ATP11A: variants seen among roughly 807,000 people sequenced by gnomAD.
ATP11A encodes the protein phospholipid-transporting ATPase IH.
In ATP11A, 81 loss-of-function variants were observed where a neutral mutation model predicts 154.4. The observed-to-expected ratio is 0.52, with a 90% CI of 0.44 to 0.63. The LOEUF is 0.63. Among genes scored for constraint, ATP11A ranks in the 30% least tolerant of loss-of-function variants. The pLI, the probability that ATP11A is intolerant of heterozygous loss-of-function variation, is 0.00. For synonymous variants in ATP11A, 623 were observed against 585.9 expected (o/e 1.06, Z -0.91); for missense variants, 1,316 against 1,474.3 (o/e 0.89, Z 1.76).
intron 8 of ATP11A, among the ~76,000 whole-genome samples, chr13:112,820,154 C>T (rs906973642): frequency 6.6e-6 from 1 of 152,172 alleles, no homozygotes. Context: ...TAGTGATGCT[C>T]GTGAAACAAG....
In ATP11A at chr13:112,760,183, A is replaced by G. The variant is rs148423710; in HGVS notation, c.40-24952A>G. 1.2e-4 allele frequency among the ~76,000 whole-genome samples: 19 copies of G among 152,348 alleles called. No homozygotes were observed. The East Asian group carries it at 3.5e-3, about 28-fold the overall frequency. ...CAGTCTTCCGTGTAAGCAATCCAGA[A>G]AGTGGGAATAAAAGTAATTTCTCTT... is the stretch of plus-strand genomic sequence containing the variant. On this transcript the variant is annotated intron_variant, in intron 1 of 29. Coordinates refer to ENST00000375645, the MANE Select transcript of ATP11A (RefSeq NM_015205.3).
intron 2 of ATP11A, among the ~76,000 whole-genome samples, chr13:112,796,010 A>G (rs1461133228): frequency 6.6e-6 from 1 of 152,230 alleles, no homozygotes; most frequent in Non-Finnish European, 1.5e-5. Flanking sequence ...TAGAGTACCT[A>G]AATTATCTTG....
At chr13:112,727,708 C>G (rs1188550833) in intron 1 of ATP11A, among the ~76,000 whole-genome samples, 1 of 152,240 alleles carries the variant, frequency 6.6e-6, no homozygotes, top group Non-Finnish European at 1.5e-5. Flanking sequence ...TGCCCGTTTT[C>G]TTGAGGGCTG....
intron 17 of ATP11A, among the ~76,000 whole-genome samples, chr13:112,848,540 T>C (rs2079671266): frequency 1.3e-5 from 2 of 152,216 alleles, no homozygotes; most frequent in Admixed American, 6.5e-5. Flanking sequence ...GGAAACTTTC[T>C]TTTTCTCTTT....
intron 2 of ATP11A, among the ~76,000 whole-genome samples, chr13:112,788,005 C>A (rs1183258768): frequency 2.0e-5 from 3 of 150,512 alleles, no homozygotes; most frequent in Non-Finnish European, 3.0e-5. Flanking sequence ...GATGTGTAGA[C>A]CCCTGTGGAG....
Position 112,805,059 on chromosome 13 carries a change from A to G in ATP11A, c.252+13A>G. 2 of 1,568,426 alleles carry G rather than the reference A, an allele frequency of 1.3e-6. No homozygotes were observed. Among genetic ancestry groups the G allele is most frequent in the South Asian group, 1.1e-5 (1 of 86,968 alleles). Reference sequence around the variant, plus strand: ...ATTTCTGGTGCAGGTAAGGCCGGTCATTGTTTTCCATCTCATCACATATAA... The same window carrying G: ...ATTTCTGGTGCAGGTAAGGCCGGTCGTTGTTTTCCATCTCATCACATATAA... On this transcript the variant is annotated intron_variant, in intron 3 of 29. Transcript: ENST00000375645.
At chr13:112,849,142 A>G (rs896965487) in intron 17 of ATP11A, among the ~76,000 whole-genome samples, 2 of 152,090 alleles carry the variant, frequency 1.3e-5, no homozygotes, top group African/African-American at 4.8e-5. Flanking sequence ...CATGTATTGC[A>G]TTGACTTTCA....
At chr13:112,700,555 A>G (rs1433234754) in intron 1 of ATP11A, among the ~76,000 whole-genome samples, 1 of 152,186 alleles carries the variant, frequency 6.6e-6, no homozygotes, top group Non-Finnish European at 1.5e-5. Context: ...GCAGGCCTTG[A>G]TGCCTGACTC....
chr13:112,832,707 A>G (rs2079127607), intron 13 of ATP11A, among the ~76,000 whole-genome samples, 153 bp from the exon 14 acceptor site: 1 of 152,152 alleles, frequency 6.6e-6, no homozygotes, highest in Admixed American at 6.5e-5. Flanking sequence ...CTGTAATTCC[A>G]TCCCACTGTA....
chr13:112,833,033 G>A lies in ATP11A; in HGVS notation c.1559+10G>A, dbSNP rs188926192. ...TCGAAGGTGTCCAGAGGTACGTCGCGGGCCAAGGGTCTGCCTGGGTTTCCT... is the reference window on the plus strand; with the variant it reads ...TCGAAGGTGTCCAGAGGTACGTCGCAGGCCAAGGGTCTGCCTGGGTTTCCT... On this transcript the variant is annotated intron_variant, in intron 14 of 29. Coordinates refer to ENST00000375645, the MANE Select transcript of ATP11A (RefSeq NM_015205.3). 4.6e-4 allele frequency: 732 copies of A among 1,606,052 alleles called. No individual in the cohort carries two copies. The highest frequency in any genetic ancestry group is 2.6e-3 in the African/African-American group (197 of 74,842).
At chr13:112,693,395 G>C (rs975761453) in intron 1 of ATP11A, among the ~76,000 whole-genome samples, 1 of 150,816 alleles carries the variant, frequency 6.6e-6, no homozygotes, top group African/African-American at 2.4e-5. Context: ...ATGCTCCCTA[G>C]GGTGATGTAT....
chr13:112,718,899 C>T (rs547868737), intron 1 of ATP11A, among the ~76,000 whole-genome samples: 2 of 152,170 alleles, frequency 1.3e-5, no homozygotes, highest in Admixed American at 6.5e-5. Context: ...AGGCTGGTCT[C>T]GAACGTCTGA....
intron 25 of ATP11A, among the ~76,000 whole-genome samples, chr13:112,870,909 C>T (rs1280510109): frequency 6.6e-6 from 1 of 152,174 alleles, no homozygotes; most frequent in South Asian, 2.1e-4. Context: ...GGGTCGGGCA[C>T]GCGGTCCTCA....
In ATP11A at chr13:112,746,478, C is replaced by G. The variant is rs997933147; in HGVS notation, c.40-38657C>G. On this transcript the variant is annotated intron_variant, in intron 1 of 29. Transcript: ENST00000375645. This position sits in a 1 kb window ranked among gnomAD's most constrained non-coding sequence, Gnocchi z 4.1. ...CTCTGGTTCCCCACGTCCTCACCGG[C>G]ACTTGGCACTGTCTAGTGTTTTGGT... 4 of 152,198 alleles carry G rather than the reference C, an allele frequency of 2.6e-5. No homozygotes were observed. Among genetic ancestry groups the G allele is most frequent in the Admixed American group, 6.5e-5 (1 of 15,276 alleles). 9.4% of individuals were successfully genotyped at this position (152,198 alleles called of 1,614,324 possible).
chr13:112,795,221 G>A (rs1225302676), intron 2 of ATP11A, among the ~76,000 whole-genome samples: 1 of 152,228 alleles, frequency 6.6e-6, no homozygotes, highest in Non-Finnish European at 1.5e-5. Context: ...CTCCAGCCTG[G>A]GCGACAGAGT....
At chr13:112,705,392 T>C (rs1284059651) in intron 1 of ATP11A, among the ~76,000 whole-genome samples, 1 of 136,590 alleles carries the variant, frequency 7.3e-6, no homozygotes, top group East Asian at 1.9e-4. Flanking sequence ...GCTCAGCAGT[T>C]GATGTTCATC....
intron 2 of ATP11A, among the ~76,000 whole-genome samples, chr13:112,795,342 C>T (rs533710985): frequency 2.6e-4 from 40 of 152,340 alleles, no homozygotes; most frequent in African/African-American, 9.6e-4. Context: ...GATTGCAGAT[C>T]ATATTTTATC....
At chr13:112,765,931 G>A (rs188176899) in intron 1 of ATP11A, among the ~76,000 whole-genome samples, 421 of 152,360 alleles carry the variant, frequency 2.8e-3, no homozygotes, top group Non-Finnish European at 4.3e-3. Context: ...CTGAAGCCGC[G>A]GCTTCCTTGC....
At chr13:112,814,073 T>C (rs2140174828) in intron 5 of ATP11A, among the ~76,000 whole-genome samples, 1 of 152,270 alleles carries the variant, frequency 6.6e-6, no homozygotes, top group African/African-American at 2.4e-5. Context: ...AAAATTATTA[T>C]TTCTTTTGAG....
Sources: gnomAD v4.1 joint callset for allele counts (sites outside exome capture counted in the v4.1 genomes callset) on GRCh38, gnomAD v4.1.1 for gene constraint, Gnocchi (gnomAD v3.1) non-coding constraint, MANE v1.5 for transcripts, NCBI Gene and HGNC (gene_info 2026-07-23, HGNC 2026-07-21) for gene names.